DHRSX: variants seen among roughly 807,000 people sequenced by gnomAD.
The protein encoded by DHRSX is polyprenol dehydrogenase.
In DHRSX, 31 loss-of-function variants were observed where a neutral mutation model predicts 34.0. The observed-to-expected ratio is 0.91, with a 90% CI of 0.69 to 1.23. DHRSX has a LOEUF of 1.23. Among genes scored for constraint, DHRSX ranks in the 50% most tolerant of loss-of-function variants. DHRSX has a pLI of 0.00. For synonymous variants in DHRSX, 201 were observed against 183.8 expected, an observed-to-expected ratio of 1.09 and a Z score of -0.76; for missense variants, 414 against 428.1, an observed-to-expected ratio of 0.97 and a Z score of 0.29.
chrX:2,326,937 G>A (rs1190600608), intron 3 of DHRSX, among the ~76,000 whole-genome samples: 1 of 151,598 alleles, frequency 6.6e-6, no homozygotes, highest in Non-Finnish European at 1.5e-5. Flanking sequence ...TCAGCCTCCT[G>A]AGTAGCTGGG....
intron 3 of DHRSX, among the ~76,000 whole-genome samples, chrX:2,367,933 G>A (rs187508865): frequency 6.6e-6 from 1 of 152,022 alleles, no homozygotes; most frequent in Non-Finnish European, 1.5e-5. Flanking sequence ...AAATGCTTAC[G>A]GGTATTTACT....
In DHRSX at chrX:2,374,867, T is replaced by C. The variant is rs188786391; in HGVS notation, c.286+33878A>G. Among the ~76,000 whole-genome samples, 4 of 136,598 alleles carry C rather than the reference T, an allele frequency of 2.9e-5. 1 individual carries two copies. The highest frequency in any genetic ancestry group is 6.9e-5 in the Non-Finnish European group (4 of 57,772). 89.6% of individuals were successfully genotyped at this position (136,598 alleles called of 152,430 possible). On this transcript the variant is annotated intron_variant, in intron 3 of 6. Transcript: ENST00000334651. ...TGGAAGGATCCCTTGAGCCCTGGAGTTCAAGACCACCCAGGGCAAGATAGT... is the reference window on the plus strand; with the variant it reads ...TGGAAGGATCCCTTGAGCCCTGGAGCTCAAGACCACCCAGGGCAAGATAGT...
intron 3 of DHRSX, among the ~76,000 whole-genome samples, chrX:2,320,159 A>T (rs1371254861): frequency 6.6e-6 from 1 of 151,310 alleles, no homozygotes; most frequent in Non-Finnish European, 1.5e-5. Flanking sequence ...CACGTGATAA[A>T]TATATACATT....
chrX:2,358,876 G>C (rs2042890926), intron 3 of DHRSX, among the ~76,000 whole-genome samples: 1 of 151,670 alleles, frequency 6.6e-6, no homozygotes, highest in African/African-American at 2.4e-5. Context: ...GTGAACCCGG[G>C]GAGCAGAGGT....
chrX:2,425,143 A>AAC (rs1556514933), intron 2 of DHRSX, 54 bp downstream of exon 2: 2 of 985,364 alleles, frequency 2.0e-6, no homozygotes, highest in Admixed American at 6.3e-5. Flanking sequence ...CCTGTCTCAG[A>AAC]AAAAAAAAAA....
chrX:2,444,551 C>T (rs1306306525), intron 1 of DHRSX, among the ~76,000 whole-genome samples: 1 of 152,206 alleles, frequency 6.6e-6, no homozygotes, highest in Non-Finnish European at 1.5e-5. Flanking sequence ...ACATGAGGGA[C>T]TGGGCACTGT....
rs187616091 is a variant in DHRSX at position 2,359,849 on chromosome X, T to C, written c.286+48896A>G. 2.3e-3 allele frequency among the ~76,000 whole-genome samples: 350 copies of C among 152,238 alleles called. 2 individuals are homozygous for C. The highest frequency in any genetic ancestry group is 7.3e-3 in the African/African-American group (302 of 41,548). On this transcript the variant is annotated intron_variant, in intron 3 of 6. Transcript: ENST00000334651. ...AGCAAAACCAAATTACTACATGTTC[T>C]CACTTATAAGTGAGAGCTAAATGAT...
intron 3 of DHRSX, among the ~76,000 whole-genome samples, chrX:2,330,781 T>G (rs2042461911): frequency 6.8e-6 from 1 of 146,006 alleles, no homozygotes; most frequent in East Asian, 2.0e-4. Flanking sequence ...GGAGAGAGAA[T>G]AAGAGAATGA....
chrX:2,242,708 C>T (rs1318382777), intron 6 of DHRSX, among the ~76,000 whole-genome samples: 1 of 152,078 alleles, frequency 6.6e-6, no homozygotes, highest in East Asian at 1.9e-4. Context: ...ACAAATGCCA[C>T]GGCAATGTCA....
chrX:2,425,757 A>C (rs2043837901), intron 1 of DHRSX, among the ~76,000 whole-genome samples: 1 of 152,202 alleles, frequency 6.6e-6, no homozygotes, highest in Admixed American at 6.5e-5. Flanking sequence ...GCCGTTAAGC[A>C]AGTGGTTTGT....
At chrX:2,380,068 G>A (rs899758059) in intron 3 of DHRSX, among the ~76,000 whole-genome samples, 9 of 151,886 alleles carry the variant, frequency 5.9e-5, no homozygotes, top group African/African-American at 1.5e-4. Context: ...AGGCCGAGGC[G>A]GGCAAACCAT....
At chrX:2,235,000 C>A (rs185171897) in intron 6 of DHRSX, among the ~76,000 whole-genome samples, 381 of 152,322 alleles carry the variant, frequency 2.5e-3, no homozygotes, top group Non-Finnish European at 4.6e-3. Context: ...CATGATCCAC[C>A]ATGCCCAGCC....
At chrX:2,498,577 A>C (rs1352316091) in intron 1 of DHRSX, among the ~76,000 whole-genome samples, 2 of 151,230 alleles carry the variant, frequency 1.3e-5, no homozygotes, top group Admixed American at 1.3e-4. Flanking sequence ...CTTCACCAGA[A>C]GCTCGTCCTC....
chrX:2,432,929 C>G (rs1168291768), intron 1 of DHRSX, among the ~76,000 whole-genome samples: 4 of 152,028 alleles, frequency 2.6e-5, no homozygotes, highest in Non-Finnish European at 5.9e-5. Context: ...TCAGGACCAG[C>G]CTGGGAAACA....
chrX:2,237,045 C>T (rs1244323534), intron 6 of DHRSX, among the ~76,000 whole-genome samples: 3 of 151,930 alleles, frequency 2.0e-5, no homozygotes, highest in South Asian at 2.1e-4. Flanking sequence ...AAAAATTAGC[C>T]AGGCGTGCTG....
chrX:2,350,980 A>G (rs937146354), intron 3 of DHRSX, among the ~76,000 whole-genome samples: 8 of 152,322 alleles, frequency 5.3e-5, no homozygotes, highest in Admixed American at 2.0e-4. Flanking sequence ...TAACAGAGGA[A>G]CAGAAAACCA....
intron 3 of DHRSX, among the ~76,000 whole-genome samples, chrX:2,383,550 A>G (rs1231658075): frequency 6.6e-6 from 1 of 152,212 alleles, no homozygotes; most frequent in Non-Finnish European, 1.5e-5. Context: ...AATCACCATT[A>G]TCATCAACAT....
At chrX:2,394,083 G>A (rs1161335390) in intron 3 of DHRSX, among the ~76,000 whole-genome samples, 1 of 152,222 alleles carries the variant, frequency 6.6e-6, no homozygotes, top group African/African-American at 2.4e-5. Flanking sequence ...TGGGCAAGAT[G>A]GGTTGGCAGA....
Position 2,316,158 on chromosome X carries a change from G to A in DHRSX, c.287-24555C>T, listed in dbSNP as rs181024700. ...ATAACAGGCGTGAGCCACCGCGCCC[G>A]GCCAAGTCTCATTTTCATTTTGGCT... On this transcript the variant is annotated intron_variant, in intron 3 of 6. Transcript: ENST00000334651. Among the ~76,000 whole-genome samples the A allele has an allele frequency of 4.6e-3, 688 of 148,784 alleles. 11 individuals are homozygous for A. Among genetic ancestry groups the A allele is most frequent in the Non-Finnish European group, 2.6e-3 (173 of 67,336 alleles).
Sources: gnomAD v4.1 joint callset for allele counts (sites outside exome capture counted in the v4.1 genomes callset) on GRCh38, gnomAD v4.1.1 for gene constraint, MANE v1.5 for transcripts, NCBI Gene and HGNC (gene_info 2026-07-23, HGNC 2026-07-21) for gene names.